NKAIN3: variants seen among roughly 807,000 people sequenced by gnomAD.
NKAIN3 encodes the protein sodium/potassium-transporting ATPase subunit beta-1-interacting protein 3.
A neutral mutation model predicts 30.2 loss-of-function variants in NKAIN3; 25 were observed. The ratio of observed to expected loss-of-function variants is 0.83; its 90% CI spans 0.60 to 1.16. NKAIN3 has a LOEUF of 1.16. NKAIN3 is among the 50% of genes most tolerant of loss of function. The pLI, the probability that NKAIN3 is intolerant of heterozygous loss-of-function variation, is 0.00. For missense variants in NKAIN3, 225 were observed against 254.1 expected, an observed-to-expected ratio of 0.89 and a Z score of 0.78; for synonymous variants, 91 against 89.6, an observed-to-expected ratio of 1.02 and a Z score of -0.09.
intron 1 of NKAIN3, among the ~76,000 whole-genome samples, chr8:62,252,119 T>A (rs1812124059): frequency 6.6e-6 from 1 of 152,192 alleles, no homozygotes; most frequent in South Asian, 2.1e-4. Flanking sequence ...TCTGGTGCAC[T>A]TTCTACTGAA....
intron 4 of NKAIN3, among the ~76,000 whole-genome samples, chr8:62,879,384 T>C (rs1250622491): frequency 2.6e-5 from 4 of 152,328 alleles, no homozygotes; most frequent in Non-Finnish European, 4.4e-5. Context: ...ATAAATTTGT[T>C]TGAGGTCATT....
At chr8:62,898,228 G>A (rs201323393) in intron 4 of NKAIN3, among the ~76,000 whole-genome samples, 2 of 151,670 alleles carry the variant, frequency 1.3e-5, no homozygotes, top group Non-Finnish European at 1.5e-5. Flanking sequence ...GGAATCAAAG[G>A]AAAAAAATCA....
At chr8:62,344,610 C>T (rs1815866904) in intron 1 of NKAIN3, among the ~76,000 whole-genome samples, 1 of 151,762 alleles carries the variant, frequency 6.6e-6, no homozygotes, top group African/African-American at 2.4e-5. Flanking sequence ...AAAAGCATAC[C>T]CTATTGCTTT....
At chr8:62,378,696 G>T (rs563248410) in intron 1 of NKAIN3, among the ~76,000 whole-genome samples, 1 of 152,352 alleles carries the variant, frequency 6.6e-6, no homozygotes, top group Admixed American at 6.5e-5. Context: ...CAGAAGACAA[G>T]AATTGAGGTT....
chr8:62,872,214 A>G (rs1379044160), intron 4 of NKAIN3, among the ~76,000 whole-genome samples: 1 of 152,216 alleles, frequency 6.6e-6, no homozygotes, highest in Non-Finnish European at 1.5e-5. Context: ...TTGCCTACAC[A>G]GCGAAAAGCA....
At chr8:62,359,074 C>G (rs1288385032) in intron 1 of NKAIN3, among the ~76,000 whole-genome samples, 1 of 152,080 alleles carries the variant, frequency 6.6e-6, no homozygotes, top group Non-Finnish European at 1.5e-5. Context: ...TTCCCAGCTA[C>G]TTGGAGGCTG....
At position 62,431,184 on chromosome 8, in the gene NKAIN3, A is replaced by G. The variant is rs183598236; in HGVS notation, c.55-148355A>G. On this transcript the variant is annotated intron_variant, in intron 1 of 6. Coordinates refer to ENST00000623646, the MANE Select transcript of NKAIN3 (RefSeq NM_001304533.3). ...CAAAGATAGTCTGAATCAAAGATTTATATCTTGTTGGATTTCTTTTATTCT... is the reference window on the plus strand; with the variant it reads ...CAAAGATAGTCTGAATCAAAGATTTGTATCTTGTTGGATTTCTTTTATTCT... Among the ~76,000 whole-genome samples, 25 of 152,058 alleles carry G rather than the reference A, an allele frequency of 1.6e-4. No individual in the cohort carries two copies. In the East Asian group the frequency reaches 4.6e-3, roughly 28 times the overall value.
intron 1 of NKAIN3, among the ~76,000 whole-genome samples, chr8:62,315,756 A>G (rs1056256444): frequency 6.6e-6 from 1 of 152,178 alleles, no homozygotes; most frequent in African/African-American, 2.4e-5. Flanking sequence ...TTTTTTATCA[A>G]ATTTATCTCT....
intron 1 of NKAIN3, among the ~76,000 whole-genome samples, chr8:62,255,703 C>T (rs1270153042): frequency 1.3e-5 from 2 of 152,166 alleles, no homozygotes; most frequent in Non-Finnish European, 2.9e-5. Context: ...GAGACCATGT[C>T]ATGGCAGGAA....
intron 1 of NKAIN3, among the ~76,000 whole-genome samples, chr8:62,478,845 T>C (rs991298228): frequency 1.3e-5 from 2 of 152,186 alleles, no homozygotes; most frequent in African/African-American, 4.8e-5. Flanking sequence ...AAAAATTGCA[T>C]TGGTCACCAA....
chr8:62,395,282 G>A (rs1817716569), intron 1 of NKAIN3, among the ~76,000 whole-genome samples: 1 of 150,324 alleles, frequency 6.7e-6, no homozygotes, highest in Non-Finnish European at 1.5e-5. Context: ...CATTGCGCGG[G>A]GCCGGGCGGA....
chr8:62,971,824 T>G lies in NKAIN3; in HGVS notation c.*6417T>G, dbSNP rs1399900045. Among the ~76,000 whole-genome samples, 2 of 152,218 alleles carry G rather than the reference T, an allele frequency of 1.3e-5. No individual in the cohort carries two copies. Among genetic ancestry groups the G allele is most frequent in the Non-Finnish European group, 2.9e-5 (2 of 68,034 alleles). On this transcript the variant is annotated 3_prime_UTR_variant, in exon 7 of 7. Coordinates refer to ENST00000623646, the MANE Select transcript of NKAIN3 (RefSeq NM_001304533.3). ...TTCTTCAGTACTGTGAGAGATTTAA[T>G]CATCAAGTATGTGAAATGAGAATTT...
At chr8:62,397,747 T>C (rs575719404) in intron 1 of NKAIN3, among the ~76,000 whole-genome samples, 1 of 152,288 alleles carries the variant, frequency 6.6e-6, no homozygotes, top group South Asian at 2.1e-4. Flanking sequence ...GAGTCGGCGC[T>C]ACGGCATCTG....
chr8:62,382,888 G>T (rs759916943), intron 1 of NKAIN3, among the ~76,000 whole-genome samples: 2 of 152,114 alleles, frequency 1.3e-5, no homozygotes, highest in Non-Finnish European at 2.9e-5. Context: ...GAAGTCATGT[G>T]CAACATCTGG....
Position 62,290,557 on chromosome 8 carries a change from T to C in NKAIN3, c.54+41430T>C, listed in dbSNP as rs375805615. On this transcript the variant is annotated intron_variant, in intron 1 of 6. Transcript: ENST00000623646. ...TGGATTACGTTTATTGATTTGCATA[T>C]GTTGAACCAGCCTTGCATCCCAGGG... Among the ~76,000 whole-genome samples, 83 of 152,362 alleles carry C rather than the reference T, an allele frequency of 5.4e-4. No individual in the cohort carries two copies. The South Asian group carries it at 0.016, about 29-fold the overall frequency.
At chr8:62,276,171 T>C (rs540257156) in intron 1 of NKAIN3, among the ~76,000 whole-genome samples, 9 of 152,184 alleles carry the variant, frequency 5.9e-5, no homozygotes, top group Non-Finnish European at 1.3e-4. Context: ...GCTCACGCGA[T>C]TCTCTTGCCT....
At chr8:62,428,906 A>G (rs1353971590) in intron 1 of NKAIN3, among the ~76,000 whole-genome samples, 1 of 151,914 alleles carries the variant, frequency 6.6e-6, no homozygotes, top group Admixed American at 6.6e-5. Flanking sequence ...ATTTGCCCAA[A>G]TCAATGATCT....
intron 4 of NKAIN3, chr8:62,855,890 A>G: frequency 1.3e-6 from 1 of 767,840 alleles, no homozygotes; most frequent in Non-Finnish European, 2.4e-6. Flanking sequence ...CAAAATAAAG[A>G]GAGATGTTCC....
intron 5 of NKAIN3, among the ~76,000 whole-genome samples, chr8:62,932,749 T>C (rs1822658519): frequency 6.6e-6 from 1 of 152,006 alleles, no homozygotes; most frequent in Non-Finnish European, 1.5e-5. Context: ...TTTAAATTTG[T>C]TTTTTTAGAG....
Sources: allele counts gnomAD v4.1 joint callset (sites outside exome capture counted in the v4.1 genomes callset), GRCh38; gene constraint gnomAD v4.1.1; transcripts MANE v1.5; gene names NCBI Gene and HGNC (gene_info 2026-07-23, HGNC 2026-07-21).